Variants in LMBRD1 observed in about 807,000 individuals in gnomAD.
The protein encoded by LMBRD1 is LMBR1 domain containing 1, also known as lysosomal cobalamin transport escort protein LMBD1.
A neutral mutation model predicts 74.8 loss-of-function variants in LMBRD1; 64 were observed. That is an observed-to-expected ratio of 0.86 (90% CI 0.70 to 1.05). The LOEUF (loss-of-function observed/expected upper bound fraction) is 1.05, where lower values mean the gene tolerates loss of function less well. Among genes scored for constraint, LMBRD1 ranks in the 50% least tolerant of loss-of-function variants. The pLI is 0.00. For missense variants in LMBRD1, 652 were observed against 645.9 expected (o/e 1.01, Z -0.10); for synonymous variants, 204 against 216.3 (o/e 0.94, Z 0.50).
intron 7 of LMBRD1, 125 bp from the exon 8 acceptor site, chr6:69,719,206 AAC>A (rs746705434): frequency 7.4e-6 from 6 of 811,918 alleles, no homozygotes; most frequent in Non-Finnish European, 1.2e-5. Context: ...AGTCACTGAA[AAC>A]ATGGTATATG....
chr6:69,776,816 A>G (rs1765714822), intron 3 of LMBRD1, among the ~76,000 whole-genome samples: 1 of 152,190 alleles, frequency 6.6e-6, no homozygotes, highest in Admixed American at 6.5e-5. Flanking sequence ...CAACAAAGTA[A>G]ATTAGAATCT....
intron 14 of LMBRD1, among the ~76,000 whole-genome samples, chr6:69,688,334 G>A (rs1348399067): frequency 6.6e-6 from 1 of 151,264 alleles, no homozygotes. Flanking sequence ...AGCCTCTCTG[G>A]CAAAACACAT....
At chr6:69,796,671 A>C in intron 1 of LMBRD1, 142 bp downstream of exon 1, 1 of 773,036 alleles carries the variant, frequency 1.3e-6, no homozygotes, top group East Asian at 2.7e-5. Flanking sequence ...AGCCCCCAAC[A>C]CTAAGGAGCC....
chr6:69,684,577 T>C (rs945305502), intron 14 of LMBRD1, among the ~76,000 whole-genome samples: 1 of 152,120 alleles, frequency 6.6e-6, no homozygotes, highest in Non-Finnish European at 1.5e-5. Flanking sequence ...ACTTTTCAGA[T>C]ATATAAGCAC....
intron 14 of LMBRD1, among the ~76,000 whole-genome samples, chr6:69,681,095 A>G (rs1765651146): frequency 6.6e-6 from 1 of 152,098 alleles, no homozygotes; most frequent in Admixed American, 6.6e-5. Flanking sequence ...TGAATTAAAG[A>G]TTAAACTTCC....
rs112659556 is a variant in LMBRD1, at chr6:69,719,006, T to C, written c.712A>G (p.Thr238Ala). ...TGTTCTACTTCTTCAATGTCTTCAG[T>C]GTTTTCCAAACGTTCATAAGCAGCG... ...RSAAYERLEN[T>A]EDIEEVEQHI... The change falls in exon 8 of 16, where the codon ACT becomes GCT. Residue 238 changes from threonine to alanine, a missense_variant. Thr to Ala is a moderately conservative substitution (Grantham distance 58, BLOSUM62 0). This residue lies in a region of LMBRD1 where 598 missense variants were observed against 581.8 expected (regional missense o/e 1.03). Coordinates refer to ENST00000649934, the MANE Select transcript of LMBRD1 (RefSeq NM_018368.4). The C allele has an allele frequency of 6.2e-7, 1 of 1,613,466 alleles. No individual in the cohort carries two copies. The highest frequency in any genetic ancestry group is 1.7e-5 in the Admixed American group (1 of 59,942).
chr6:69,704,113 T>TA (rs1201615034), intron 9 of LMBRD1, among the ~76,000 whole-genome samples: 37 of 152,212 alleles, frequency 2.4e-4, no homozygotes, highest in African/African-American at 7.9e-4. Context: ...GAGCTTAACT[T>TA]AAATCATGTA....
Position 69,741,853 on chromosome 6 carries a change from G to A in LMBRD1, c.498C>T (p.Pro166=), listed in dbSNP as rs886061691. Residue 166 remains proline (P), a synonymous_variant, in exon 6 of 16, where the codon CCC becomes CCT. Coordinates refer to ENST00000649934, the MANE Select transcript of LMBRD1 (RefSeq NM_018368.4). The part of the protein sequence containing the change: ...LVGAFVPLNV[P]NNKNSTEWEK... ...CCCACTCTGTAGAATTTTTGTTATT[G>A]GGAACATTCAATGGAACAAAGGCAC... is the stretch of plus-strand genomic sequence containing the variant. The A allele has an allele frequency of 1.4e-5, 22 of 1,602,398 alleles. No individual in the cohort carries two copies. Among genetic ancestry groups the A allele is most frequent in the Non-Finnish European group, 1.9e-5 (22 of 1,169,814 alleles).
chr6:69,733,801 A>C (rs1286504954), intron 7 of LMBRD1, among the ~76,000 whole-genome samples: 1 of 152,334 alleles, frequency 6.6e-6, no homozygotes, highest in East Asian at 1.9e-4. Context: ...TGAATAAGAA[A>C]CATTCTCACT....
intron 14 of LMBRD1, among the ~76,000 whole-genome samples, chr6:69,684,992 A>C (rs1402293362): frequency 6.6e-6 from 1 of 152,310 alleles, no homozygotes; most frequent in Non-Finnish European, 1.5e-5. Context: ...AGACAAAGAT[A>C]TATTTTCTTA....
intron 4 of LMBRD1, 116 bp downstream of exon 4, chr6:69,752,143 T>G: frequency 1.1e-6 from 1 of 917,984 alleles, no homozygotes; most frequent in Non-Finnish European, 1.6e-6. Context: ...TTAGCTAACA[T>G]TGTATTTCTA....
At chr6:69,740,721 C>A (rs896637857) in intron 6 of LMBRD1, among the ~76,000 whole-genome samples, 21 of 152,048 alleles carry the variant, frequency 1.4e-4, no homozygotes, top group Admixed American at 3.3e-4. Flanking sequence ...TGTACAGTAC[C>A]TATTAGAATA....
At chr6:69,727,210 T>C (rs1329327231) in intron 7 of LMBRD1, among the ~76,000 whole-genome samples, 3 of 152,208 alleles carry the variant, frequency 2.0e-5, no homozygotes, top group Admixed American at 6.5e-5. Context: ...AATTGGACTG[T>C]TTGTAACACA....
At chr6:69,689,968 G>A (rs184243117) in intron 14 of LMBRD1, among the ~76,000 whole-genome samples, 1 of 151,944 alleles carries the variant, frequency 6.6e-6, no homozygotes, top group Admixed American at 6.5e-5. Flanking sequence ...CCCACCCTAA[G>A]ACACCAAAAT....
chr6:69,719,643 T>C (rs941916320), intron 7 of LMBRD1, among the ~76,000 whole-genome samples: 4 of 152,202 alleles, frequency 2.6e-5, no homozygotes, highest in East Asian at 1.9e-4. Flanking sequence ...CATGTTATTA[T>C]ATATACTACC....
intron 7 of LMBRD1, among the ~76,000 whole-genome samples, chr6:69,726,411 A>G (rs1001589534): frequency 1.3e-5 from 2 of 152,244 alleles, no homozygotes; most frequent in African/African-American, 4.8e-5. Flanking sequence ...CATATATCAA[A>G]GAGATATCTG....
intron 9 of LMBRD1, among the ~76,000 whole-genome samples, chr6:69,708,798 C>T (rs1280076222): frequency 6.6e-6 from 1 of 152,008 alleles, no homozygotes; most frequent in Non-Finnish European, 1.5e-5. Flanking sequence ...TGAGATAGAA[C>T]ATAACTTCTA....
intron 14 of LMBRD1, among the ~76,000 whole-genome samples, chr6:69,691,604 C>T (rs952813445): frequency 6.6e-6 from 1 of 151,900 alleles, no homozygotes; most frequent in Admixed American, 6.6e-5. Flanking sequence ...GGGCCGGGCA[C>T]GTTGGCTCAA....
intron 3 of LMBRD1, among the ~76,000 whole-genome samples, chr6:69,775,018 G>T (rs550553571): frequency 1.1e-5 from 1 of 94,804 alleles, no homozygotes; most frequent in African/African-American, 6.2e-5. Flanking sequence ...AGGGAGGGAG[G>T]GAGGGAGGGA....
Sources: gnomAD v4.1 joint callset for allele counts (sites outside exome capture counted in the v4.1 genomes callset) on GRCh38, gnomAD v4.1.1 for gene constraint, gnomAD v4.1.1 regional missense constraint, MANE v1.5 for transcripts, NCBI Gene and HGNC (gene_info 2026-07-23, HGNC 2026-07-21) for gene names.